The following NEGR1 variants were observed in gnomAD, a reference collection of about 807,000 sequenced individuals.
NEGR1 encodes the protein neuronal growth regulator 1, also known as IgLON family member 4.
In NEGR1, 10 loss-of-function variants were observed where a neutral mutation model predicts 40.9. That is an observed-to-expected ratio of 0.24 (90% confidence interval 0.15 to 0.42). The LOEUF (loss-of-function observed/expected upper bound fraction) is 0.42, where lower values mean the gene tolerates loss of function less well. NEGR1 is among the 10% of genes least tolerant of loss of function. The probability of loss-of-function intolerance (pLI) is 1.00; values close to 1 mark genes in which losing one functional copy is unlikely to be tolerated. For synonymous variants in NEGR1, 185 were observed against 166.8 expected, an observed-to-expected ratio of 1.11 and a Z score of -0.84; for missense variants, 352 against 438.9, an observed-to-expected ratio of 0.80 and a Z score of 1.77.
intron 2 of NEGR1, among the ~76,000 whole-genome samples, chr1:71,895,107 G>C (rs1223554800): frequency 6.6e-6 from 1 of 152,120 alleles, no homozygotes; most frequent in Non-Finnish European, 1.5e-5. Flanking sequence ...GGAGTGACTA[G>C]GGTAATAGGT....
intron 1 of NEGR1, among the ~76,000 whole-genome samples, chr1:71,938,095 T>C (rs1293149758): frequency 6.6e-6 from 1 of 152,156 alleles, no homozygotes; most frequent in East Asian, 1.9e-4. Context: ...CTCAAAGTTT[T>C]TTAAGATACA....
chr1:71,465,475 T>A (rs1646739550), intron 6 of NEGR1, among the ~76,000 whole-genome samples: 1 of 152,104 alleles, frequency 6.6e-6, no homozygotes, highest in Admixed American at 6.6e-5. Context: ...CTTCTGTAAT[T>A]CATTTTAACA....
intron 1 of NEGR1, among the ~76,000 whole-genome samples, chr1:71,951,146 T>C (rs1482687629): frequency 1.3e-5 from 2 of 151,946 alleles, no homozygotes; most frequent in African/African-American, 2.4e-5. Context: ...GATTAATTTT[T>C]TTTGAAATGC....
chr1:71,807,431 G>C (rs1279298391), intron 2 of NEGR1, among the ~76,000 whole-genome samples: 1 of 152,050 alleles, frequency 6.6e-6, no homozygotes, highest in Non-Finnish European at 1.5e-5. Context: ...CCTGTGAAAA[G>C]ACTGATCAAA....
At chr1:71,500,237 G>T (rs1014531260) in intron 6 of NEGR1, among the ~76,000 whole-genome samples, 2 of 151,188 alleles carry the variant, frequency 1.3e-5, no homozygotes, top group African/African-American at 2.4e-5. Context: ...GTTTAAATAA[G>T]TTTTTTTTTC....
chr1:71,843,501 A>G (rs1252210741), intron 2 of NEGR1, among the ~76,000 whole-genome samples: 1 of 152,158 alleles, frequency 6.6e-6, no homozygotes, highest in Non-Finnish European at 1.5e-5. Context: ...TCCACTAAGC[A>G]AGGGGTTGTC....
intron 6 of NEGR1, among the ~76,000 whole-genome samples, chr1:71,535,862 A>C (rs553117775): frequency 6.6e-6 from 1 of 151,868 alleles, no homozygotes; most frequent in African/African-American, 2.4e-5. Context: ...GTAGAAAGCA[A>C]GTTAATGAAT....
chr1:72,282,161 C>T (rs3101341), intron 1 of NEGR1, among the ~76,000 whole-genome samples, 158 bp downstream of exon 1: 78,709 of 151,934 alleles, frequency 0.52, 21,094 homozygotes, highest in East Asian at 0.85. Flanking sequence ...CGGGCCGGGG[C>T]TCCGGGAAGA....
At chr1:71,492,875 C>G (rs1245146032) in intron 6 of NEGR1, among the ~76,000 whole-genome samples, 1 of 152,070 alleles carries the variant, frequency 6.6e-6, no homozygotes, top group Non-Finnish European at 1.5e-5. Flanking sequence ...TGTAAGGCAT[C>G]CCCTATTGGG....
intron 5 of NEGR1, among the ~76,000 whole-genome samples, chr1:71,597,428 A>C (rs868363345): frequency 2.0e-4 from 22 of 109,722 alleles, no homozygotes; most frequent in African/African-American, 8.8e-4. Flanking sequence ...ATATATATAT[A>C]TATGTCTCTC....
At chr1:71,512,446 C>G (rs1365892478) in intron 6 of NEGR1, among the ~76,000 whole-genome samples, 1 of 151,338 alleles carries the variant, frequency 6.6e-6, no homozygotes, top group Admixed American at 6.6e-5. Flanking sequence ...AGTTTGAGTA[C>G]AGTGTATGTA....
chr1:72,012,993 T>C (rs916558103), intron 1 of NEGR1, among the ~76,000 whole-genome samples: 1 of 151,424 alleles, frequency 6.6e-6, no homozygotes, highest in African/African-American at 2.4e-5. Context: ...ATAGGAGATA[T>C]GGCATATAAC....
intron 4 of NEGR1, among the ~76,000 whole-genome samples, chr1:71,654,478 T>C (rs1651817526): frequency 6.6e-6 from 1 of 152,148 alleles, no homozygotes; most frequent in Non-Finnish European, 1.5e-5. Context: ...ACAATATTTT[T>C]TTCCTAAAGC....
At chr1:71,815,508 T>C (rs1192033215) in intron 2 of NEGR1, among the ~76,000 whole-genome samples, 1 of 152,070 alleles carries the variant, frequency 6.6e-6, no homozygotes, top group African/African-American at 2.4e-5. Flanking sequence ...CAATAGTGTG[T>C]TAAAGTCTCC....
intron 2 of NEGR1, among the ~76,000 whole-genome samples, chr1:71,879,995 C>T (rs1053937319): frequency 5.3e-5 from 8 of 151,976 alleles, no homozygotes; most frequent in Non-Finnish European, 1.0e-4. Flanking sequence ...CATAGCAGTC[C>T]AATATGTTAA....
intron 1 of NEGR1, among the ~76,000 whole-genome samples, chr1:72,214,214 C>T (rs1653711888): frequency 6.6e-6 from 1 of 151,992 alleles, no homozygotes; most frequent in Non-Finnish European, 1.5e-5. Context: ...TGGAATGTAT[C>T]TCAAAATACT....
chr1:72,239,174 T>C (rs1302226250), intron 1 of NEGR1, among the ~76,000 whole-genome samples: 2 of 151,878 alleles, frequency 1.3e-5, no homozygotes, highest in Non-Finnish European at 2.9e-5. Context: ...CCAGCCACTT[T>C]TTGAAACAGA....
chr1:71,854,530 T>C (rs1659702883), intron 2 of NEGR1, among the ~76,000 whole-genome samples: 1 of 152,102 alleles, frequency 6.6e-6, no homozygotes, highest in South Asian at 2.1e-4. Context: ...TGATGATAAT[T>C]ATAATCGTAT....
intron 1 of NEGR1, among the ~76,000 whole-genome samples, chr1:72,190,543 T>C (rs1652784079): frequency 1.3e-5 from 2 of 151,680 alleles, no homozygotes; most frequent in Non-Finnish European, 3.0e-5. Context: ...TGTTTATCAA[T>C]CCATAATGCA....
Sources: allele counts gnomAD v4.1 joint callset (sites outside exome capture counted in the v4.1 genomes callset), GRCh38; gene constraint gnomAD v4.1.1; transcripts MANE v1.5; gene names NCBI Gene and HGNC (gene_info 2026-07-23, HGNC 2026-07-21).